The following PXK variants were observed in gnomAD, a reference collection of about 807,000 sequenced individuals.
The protein encoded by PXK is PX domain-containing protein kinase-like protein.
In PXK, 35 loss-of-function variants were observed where a neutral mutation model predicts 84.7. The observed-to-expected ratio is 0.41, with a 90% confidence interval of 0.32 to 0.55. The LOEUF (loss-of-function observed/expected upper bound fraction) is 0.55. Among genes scored for constraint, PXK ranks in the 20% least tolerant of loss-of-function variants. The pLI, the probability that PXK is intolerant of heterozygous loss-of-function variation, is 0.21. For missense variants in PXK, 634 were observed against 699.7 expected, an observed-to-expected ratio of 0.91 and a Z score of 1.06; for synonymous variants, 253 against 260.8, an observed-to-expected ratio of 0.97 and a Z score of 0.29.
intron 16 of PXK, 93 bp downstream of exon 16, chr3:58,410,252 G>A (rs2060003480): frequency 1.1e-6 from 1 of 880,664 alleles, no homozygotes; most frequent in Non-Finnish European, 1.9e-6. Context: ...CTGCTGGCCA[G>A]AAACTGGGCA....
rs2107225832 is a variant in PXK at position 58,398,875 on chromosome 3, CA to C, written c.1103-422del. Among the ~76,000 whole-genome samples, 1 of 152,292 alleles carries C rather than the reference CA, an allele frequency of 6.6e-6. No individual in the cohort carries two copies. The highest frequency in any genetic ancestry group is 2.4e-5 in the African/African-American group (1 of 41,564). On this transcript the variant is annotated intron_variant, in intron 11 of 17. Coordinates refer to ENST00000356151, the MANE Select transcript of PXK (RefSeq NM_017771.5). The surrounding 1 kb of genome is among the most constrained non-coding windows in gnomAD (Gnocchi z 4.5). ...TCTGGCTGCTCCTGTTAATAGCATCCAAGGTGTTGGATGATGAGATATCAAC... is the reference window on the plus strand; with the variant it reads ...TCTGGCTGCTCCTGTTAATAGCATCCAGGTGTTGGATGATGAGATATCAAC...
At chr3:58,403,313 T>C (rs1038537743) in intron 12 of PXK, among the ~76,000 whole-genome samples, 2 of 152,164 alleles carry the variant, frequency 1.3e-5, no homozygotes, top group Non-Finnish European at 2.9e-5. Context: ...GCCAGTAACA[T>C]ATTTTTGAAG....
Position 58,391,845 on chromosome 3 carries a change from T to C in PXK, c.613T>C (p.Leu205=), listed in dbSNP as rs752516395. 2 of 1,606,362 alleles carry C rather than the reference T, an allele frequency of 1.2e-6. No homozygotes were observed. The highest frequency in any genetic ancestry group is 2.2e-5 in the East Asian group (1 of 44,828). The change falls in exon 7 of 18, where the codon TTG becomes CTG. Residue 205 remains leucine, a splice_region_variant and synonymous_variant. Coordinates refer to ENST00000356151, the MANE Select transcript of PXK (RefSeq NM_017771.5). ...TCTAATCAAACTTCTGCCTTCTTGT[T>C]TGGTGAGTATACGTCTTTCTTTTAT... ...QCLIKLLPSC[L]HPYIYRVTFA... is the part of the protein sequence containing the mutation.
rs1269237534 is a variant in PXK at position 58,353,098 on chromosome 3, G to A, written c.103-12776G>A. 5.3e-5 allele frequency among the ~76,000 whole-genome samples: 8 copies of A among 151,784 alleles called. No homozygotes were observed. In the South Asian group the frequency reaches 1.2e-3, roughly 24 times the overall value. ...TGCAAGCTCCGCCTCCCGGATTCAC[G>A]CCGTTCTCCTGCCTCAGCCTCCCGA... On this transcript the variant is annotated intron_variant, in intron 1 of 17. Transcript: ENST00000356151.
At chr3:58,384,179 T>G (rs1291948032) in intron 4 of PXK, among the ~76,000 whole-genome samples, 1 of 152,222 alleles carries the variant, frequency 6.6e-6, no homozygotes, top group Non-Finnish European at 1.5e-5. Flanking sequence ...AGTGTGGTTC[T>G]CTGACCAGCA....
At chr3:58,374,005 C>G (rs1368121735) in intron 3 of PXK, among the ~76,000 whole-genome samples, 2 of 146,532 alleles carry the variant, frequency 1.4e-5, no homozygotes, top group African/African-American at 5.0e-5. Flanking sequence ...AGATCGCACA[C>G]TGCACTCCAG....
At chr3:58,334,546 A>G (rs1015343587) in intron 1 of PXK, among the ~76,000 whole-genome samples, 1 of 152,190 alleles carries the variant, frequency 6.6e-6, no homozygotes, top group African/African-American at 2.4e-5. Context: ...TTTATTTTGT[A>G]TTGAAAATAA....
intron 1 of PXK, among the ~76,000 whole-genome samples, chr3:58,338,764 C>T (rs1023009738): frequency 2.6e-5 from 4 of 151,310 alleles, no homozygotes; most frequent in African/African-American, 4.9e-5. Context: ...CGGCTCACCG[C>T]AACCTCTGCC....
rs942593811 is a variant in PXK, at chr3:58,416,112, A to G, written c.1528+3149A>G. On this transcript the variant is annotated intron_variant, in intron 17 of 17. Transcript: ENST00000356151. The surrounding 1 kb of genome is among the most constrained non-coding windows in gnomAD (Gnocchi z 4.8). ...TACAGTTTAGTCTTCTTTTCCTCCT[A>G]ATCTGGGATCTTTGTGGTGAGGGTC... 1.3e-5 allele frequency among the ~76,000 whole-genome samples: 2 copies of G among 152,256 alleles called. No homozygotes were observed. The highest frequency in any genetic ancestry group is 2.9e-5 in the Non-Finnish European group (2 of 68,018).
In PXK at chr3:58,382,510, A is replaced by G; in HGVS notation, c.202-4A>G. 3.6e-6 allele frequency: 4 copies of G among 1,116,226 alleles called. No homozygotes were observed. Among genetic ancestry groups the G allele is most frequent in the Non-Finnish European group, 4.6e-6 (4 of 865,600 alleles). 69.1% of individuals were successfully genotyped at this position (1,116,226 alleles called of 1,614,324 possible). ...AGTGTAACTTTTTTTTTTTTTTTTT[A>G]AAGATTGCAGGCCTAAGTCTACCTC... is the stretch of plus-strand genomic sequence containing the variant. On this transcript the variant is annotated splice_polypyrimidine_tract_variant and splice_region_variant and intron_variant, in intron 3 of 17. Transcript: ENST00000356151.
intron 17 of PXK, chr3:58,413,230 A>C: frequency 1.9e-6 from 1 of 526,126 alleles, no homozygotes; most frequent in East Asian, 3.4e-5. Flanking sequence ...GAAAAGCTTC[A>C]TGCAGAGCTT....
At chr3:58,422,319 T>A in intron 17 of PXK, 1 of 985,304 alleles carries the variant, frequency 1.0e-6, no homozygotes, top group Non-Finnish European at 1.2e-6. Flanking sequence ...TGGCCTTCCT[T>A]GCCCTGGTTG....
Position 58,412,955 on chromosome 3 carries a change from C to G in PXK, c.1520C>G (p.Ser507Cys). 1.9e-6 allele frequency: 3 copies of G among 1,614,192 alleles called. No individual in the cohort carries two copies. Among genetic ancestry groups the G allele is most frequent in the African/African-American group, 1.3e-5 (1 of 75,062 alleles). ...LTSPSSPTPP[S>C]TSGISALPPP... The stretch of plus-strand genomic sequence containing the variant: ...TCCCCGTCATCGCCAACTCCACCCT[C>G]TACATCAGGTTAGTGATGGAGTAAA... The change falls in exon 17 of 18, where the codon TCT becomes TGT. Residue 507 changes from serine (S) to cysteine (C), a missense_variant. Coordinates refer to ENST00000356151, the MANE Select transcript of PXK (RefSeq NM_017771.5). The surrounding 1 kb of genome is among the most constrained non-coding windows in gnomAD (Gnocchi z 6.2).
intron 1 of PXK, among the ~76,000 whole-genome samples, chr3:58,363,409 G>A (rs2098221432): frequency 6.6e-6 from 1 of 152,166 alleles, no homozygotes. Flanking sequence ...GCTCACGGCA[G>A]TCATGACCTT....
rs2060263394 is a variant in PXK, at chr3:58,411,954, T to C, written c.1466-947T>C. On this transcript the variant is annotated intron_variant, in intron 16 of 17. Coordinates refer to ENST00000356151, the MANE Select transcript of PXK (RefSeq NM_017771.5). This position sits in a 1 kb window ranked among gnomAD's most constrained non-coding sequence, Gnocchi z 4.2. The stretch of plus-strand genomic sequence containing the variant: ...GGTTTAATCAGGACATTTCTCATCA[T>C]GGCCAGTGTCCATGAGACACCAACA... Among the ~76,000 whole-genome samples the C allele has an allele frequency of 6.6e-6, 1 of 152,186 alleles. No homozygotes were observed. The highest frequency in any genetic ancestry group is 1.5e-5 in the Non-Finnish European group (1 of 68,026).
At chr3:58,338,584 T>A (rs1209168614) in intron 1 of PXK, among the ~76,000 whole-genome samples, 1 of 151,816 alleles carries the variant, frequency 6.6e-6, no homozygotes, top group Non-Finnish European at 1.5e-5. Context: ...GATTGTGCCA[T>A]TGCACTCCAG....
chr3:58,403,816 T>G, intron 12 of PXK, 46 bp from the exon 13 acceptor site: 1 of 1,308,780 alleles, frequency 7.6e-7, no homozygotes, highest in Non-Finnish European at 1.1e-6. Flanking sequence ...AGTCTGAGAG[T>G]GCACGTGGTT....
intron 1 of PXK, among the ~76,000 whole-genome samples, chr3:58,353,218 T>C (rs572080782): frequency 1.3e-4 from 20 of 152,102 alleles, no homozygotes; most frequent in African/African-American, 4.6e-4. Flanking sequence ...AGAATGGTCT[T>C]GATCTCCTGA....
rs1409831312 is a variant in PXK, at chr3:58,416,125, TGTGGTGAGGGTCTTCA to T, written c.1528+3167_1528+3182del. Among the ~76,000 whole-genome samples, 2 of 152,206 alleles carry T rather than the reference TGTGGTGAGGGTCTTCA, an allele frequency of 1.3e-5. No homozygotes were observed. Among genetic ancestry groups the T allele is most frequent in the Non-Finnish European group, 2.9e-5 (2 of 68,030 alleles). ...TCTTTTCCTCCTAATCTGGGATCTT[TGTGGTGAGGGTCTTCA>T]GTGGAGGCCTGAGCCTTTGAAAGAC... On this transcript the variant is annotated intron_variant, in intron 17 of 17. Transcript: ENST00000356151. The surrounding 1 kb of genome is among the most constrained non-coding windows in gnomAD (Gnocchi z 4.8).
Sources: gnomAD v4.1 joint callset for allele counts (sites outside exome capture counted in the v4.1 genomes callset) on GRCh38, gnomAD v4.1.1 for gene constraint, Gnocchi (gnomAD v3.1) non-coding constraint, MANE v1.5 for transcripts, NCBI Gene and HGNC (gene_info 2026-07-23, HGNC 2026-07-21) for gene names.